CACNA1I: variants seen among roughly 807,000 people sequenced by gnomAD.
CACNA1I encodes voltage-dependent T-type calcium channel subunit alpha-1I.
CACNA1I carries 74 observed loss-of-function variants against 201.6 expected under a neutral mutation model. The ratio of observed to expected loss-of-function variants is 0.37; its 90% CI spans 0.30 to 0.45. The LOEUF is 0.45. CACNA1I is among the 20% of genes least tolerant of loss of function. CACNA1I has a pLI of 1.00. For missense variants in CACNA1I, 2,346 were observed against 3,138.1 expected (o/e 0.75, Z 6.03); for synonymous variants, 1,431 against 1,345.2 (o/e 1.06, Z -1.40).
chr22:39,616,834 C>T (rs929057878), intron 3 of CACNA1I, among the ~76,000 whole-genome samples: 4 of 151,638 alleles, frequency 2.6e-5, no homozygotes, highest in Non-Finnish European at 5.9e-5. Context: ...CTGAGTTGTG[C>T]ACGAGGGCAG....
rs1470120467 is a variant in CACNA1I, at chr22:39,686,413, A to C, written c.*8A>C. The C allele has an allele frequency of 4.1e-6, 5 of 1,230,758 alleles. No homozygotes were observed. The highest frequency in any genetic ancestry group is 5.1e-6 in the Non-Finnish European group (5 of 982,430). 76.2% of individuals were successfully genotyped at this position (1,230,758 alleles called of 1,614,324 possible). ...AGCAAGAGGAAGAGATGAGGGTCGC[A>C]GGGGCCCCCGGCCGCCCACCGCCCG... On this transcript the variant is annotated 3_prime_UTR_variant, in exon 37 of 37. Transcript: ENST00000402142.
In CACNA1I at chr22:39,659,428, C is replaced by A; in HGVS notation, c.2331-5C>A. On this transcript the variant is annotated splice_region_variant and splice_polypyrimidine_tract_variant and intron_variant, in intron 12 of 36. Transcript: ENST00000402142. The surrounding 1 kb of genome is among the most constrained non-coding windows in gnomAD (Gnocchi z 4.3). Reference sequence around the variant, plus strand: ...TCCGATGAGCCTCTTCCATCCTTTCCCCAGCATCCTTGGGATGCATATTTT... The same window carrying A: ...TCCGATGAGCCTCTTCCATCCTTTCACCAGCATCCTTGGGATGCATATTTT... The A allele has an allele frequency of 6.5e-7, 1 of 1,536,826 alleles. No homozygotes were observed. Among genetic ancestry groups the A allele is most frequent in the East Asian group, 2.4e-5 (1 of 41,064 alleles).
At chr22:39,654,357 T>C (rs146230638) in intron 10 of CACNA1I, among the ~76,000 whole-genome samples, 267 of 152,332 alleles carry the variant, frequency 1.8e-3, no homozygotes, top group African/African-American at 6.1e-3. Flanking sequence ...TATCATGTCC[T>C]GGAGCTGGAG....
chr22:39,684,419 G>T lies in CACNA1I; in HGVS notation c.5948G>T (p.Gly1983Val). ...GGCCCAGAAAAGGGCACTGGCACTG[G>T]AACCCTCCCCAAGATTGCGCTGCAG... ...QKGPEKGTGT[G>V]TLPKIALQGS... The change falls in exon 36 of 37, where the codon GGA becomes GTA. Residue 1983 changes from glycine (G) to valine (V), a missense_variant. By Grantham distance (109) the Gly-to-Val change is moderately radical (BLOSUM62 -3). Coordinates refer to ENST00000402142, the MANE Select transcript of CACNA1I (RefSeq NM_021096.4). The surrounding 1 kb of genome is among the most constrained non-coding windows in gnomAD (Gnocchi z 4.6). 2 of 1,613,622 alleles carry T rather than the reference G, an allele frequency of 1.2e-6. No individual in the cohort carries two copies. Among genetic ancestry groups the T allele is most frequent in the South Asian group, 2.2e-5 (2 of 91,066 alleles).
Position 39,685,757 on chromosome 22 carries a change from C to A in CACNA1I, c.6028-4C>A. 1 of 1,473,584 alleles carries A rather than the reference C, an allele frequency of 6.8e-7. No individual in the cohort carries two copies. The highest frequency in any genetic ancestry group is 1.3e-5 in the South Asian group (1 of 76,548). 91.3% of individuals were successfully genotyped at this position (1,473,584 alleles called of 1,614,324 possible). The stretch of plus-strand genomic sequence containing the variant: ...CGGCCTCCACGGCTCCCACCTCCCC[C>A]CAGGCCACCGGGAGCGACACGTCGC... On this transcript the variant is annotated splice_region_variant and splice_polypyrimidine_tract_variant and intron_variant, in intron 36 of 36. Transcript: ENST00000402142. This position sits in a 1 kb window ranked among gnomAD's most constrained non-coding sequence, Gnocchi z 5.0.
At chr22:39,656,330 C>A in intron 10 of CACNA1I, 1 of 502,088 alleles carries the variant, frequency 2.0e-6, no homozygotes, top group South Asian at 1.4e-5. Context: ...TCTGCTCTCC[C>A]ACCTCCCAGC....
At position 39,687,820 on chromosome 22, in the gene CACNA1I, A is replaced by G. The variant is rs1165493763; in HGVS notation, c.*1415A>G. On this transcript the variant is annotated 3_prime_UTR_variant, in exon 37 of 37. Transcript: ENST00000402142. ...ATTTCACAGACATTTTGCTTAGGTCAAGGCTACTTTTTAAAAAGGGAGTGA... is the reference window on the plus strand; with the variant it reads ...ATTTCACAGACATTTTGCTTAGGTCGAGGCTACTTTTTAAAAAGGGAGTGA... 1.3e-5 allele frequency: 2 copies of G among 152,358 alleles called. No individual in the cohort carries two copies. Among genetic ancestry groups the G allele is most frequent in the South Asian group, 4.1e-4 (2 of 4,828 alleles). 9.4% of individuals were successfully genotyped at this position (152,358 alleles called of 1,614,324 possible).
At chr22:39,632,560 C>T (rs2074370387) in intron 4 of CACNA1I, among the ~76,000 whole-genome samples, 1 of 152,078 alleles carries the variant, frequency 6.6e-6, no homozygotes, top group Admixed American at 6.5e-5. Flanking sequence ...CCCCTTGCTG[C>T]CAGGCTGTGA....
At chr22:39,580,123 C>A (rs132570) in intron 1 of CACNA1I, among the ~76,000 whole-genome samples, 67,724 of 151,558 alleles carry the variant, frequency 0.45, 16,047 homozygotes, top group Non-Finnish European at 0.52. Flanking sequence ...TTGGAGGAGA[C>A]ACACATCAAA....
chr22:39,646,085 G>T (rs1601491020), intron 7 of CACNA1I, among the ~76,000 whole-genome samples: 1 of 152,098 alleles, frequency 6.6e-6, no homozygotes, highest in Non-Finnish European at 1.5e-5. Context: ...GGGTCTGAGG[G>T]GAGCTGGGCT....
In CACNA1I at chr22:39,677,214, G is replaced by A; in HGVS notation, c.4855-127G>A. The A allele has an allele frequency of 1.6e-6, 1 of 640,436 alleles. No homozygotes were observed. The highest frequency in any genetic ancestry group is 2.8e-6 in the Non-Finnish European group (1 of 359,260). 39.7% of individuals were successfully genotyped at this position (640,436 alleles called of 1,614,324 possible). On this transcript the variant is annotated intron_variant, in intron 29 of 36. Coordinates refer to ENST00000402142, the MANE Select transcript of CACNA1I (RefSeq NM_021096.4). The surrounding 1 kb of genome is among the most constrained non-coding windows in gnomAD (Gnocchi z 4.8). ...GTGGCAGACGTGGACACACAGCCTG[G>A]GGGAATGTTACAGCTGCTCTGACCC...
chr22:39,587,353 G>C (rs141264850), intron 1 of CACNA1I, among the ~76,000 whole-genome samples: 1 of 152,176 alleles, frequency 6.6e-6, no homozygotes, highest in Non-Finnish European at 1.5e-5. Flanking sequence ...TTGTCATGTG[G>C]GGAGTTCCTT....
intron 3 of CACNA1I, among the ~76,000 whole-genome samples, chr22:39,618,915 T>C (rs1933643709): frequency 6.6e-6 from 1 of 152,122 alleles, no homozygotes; most frequent in Non-Finnish European, 1.5e-5. Context: ...ATGGAAGGGA[T>C]GTGGGGTGTG....
At chr22:39,638,254 G>T (rs1934267568) in intron 5 of CACNA1I, among the ~76,000 whole-genome samples, 1 of 152,182 alleles carries the variant, frequency 6.6e-6, no homozygotes, top group South Asian at 2.1e-4. Flanking sequence ...TTGGGGTCAA[G>T]ATTTATTGAT....
intron 27 of CACNA1I, 102 bp downstream of exon 27, chr22:39,672,410 C>A: frequency 1.3e-6 from 1 of 783,250 alleles, no homozygotes; most frequent in South Asian, 1.5e-5. Context: ...AGAGGGGAAC[C>A]AGTAAGCATC....
chr22:39,678,971 G>A (rs2052233328), intron 31 of CACNA1I, 136 bp from the exon 32 acceptor site: 1 of 658,060 alleles, frequency 1.5e-6, no homozygotes, highest in South Asian at 2.0e-5. Context: ...GCAGAGTGGG[G>A]CAGGGCAGCC....
At chr22:39,594,508 G>A (rs2145820571) in intron 1 of CACNA1I, among the ~76,000 whole-genome samples, 1 of 152,338 alleles carries the variant, frequency 6.6e-6, no homozygotes, top group Admixed American at 6.5e-5. Flanking sequence ...ATTAATTACA[G>A]GCTATGGCGG....
At chr22:39,611,524 T>A (rs559941441) in intron 3 of CACNA1I, among the ~76,000 whole-genome samples, 1 of 152,302 alleles carries the variant, frequency 6.6e-6, no homozygotes, top group East Asian at 1.9e-4. Context: ...AAAGCATCTC[T>A]GCACCACACA....
Position 39,684,679 on chromosome 22 carries a change from G to A in CACNA1I, c.6027+181G>A. On this transcript the variant is annotated intron_variant, in intron 36 of 36. Transcript: ENST00000402142. This position sits in a 1 kb window ranked among gnomAD's most constrained non-coding sequence, Gnocchi z 4.6. ...GAGACTGGAGGGGGAGGTGGCACTG[G>A]GGCGGATGGAGTGGGCGGGGCTGGG... 1.5e-6 allele frequency: 1 copy of A among 684,570 alleles called. No homozygotes were observed. The highest frequency in any genetic ancestry group is 2.5e-6 in the Non-Finnish European group (1 of 400,584). The allele number at this position is 684,570 out of a possible 1,614,324, so 42.4% of individuals were successfully genotyped here.
Sources: allele counts gnomAD v4.1 joint callset (sites outside exome capture counted in the v4.1 genomes callset), GRCh38; gene constraint gnomAD v4.1.1; non-coding constraint Gnocchi (gnomAD v3.1); transcripts MANE v1.5; gene names NCBI Gene and HGNC (gene_info 2026-07-23, HGNC 2026-07-21).